The following ARHGAP27 variants were observed in gnomAD, a reference collection of about 807,000 sequenced individuals.
ARHGAP27 encodes the protein Rho GTPase activating protein 27.
Under a neutral mutation model 102.0 loss-of-function variants are expected in ARHGAP27, and 53 were observed. The observed-to-expected ratio is 0.52, with a 90% CI of 0.42 to 0.65. The LOEUF is 0.65. Ranked by LOEUF, ARHGAP27 falls within the 30% of genes least tolerant of loss-of-function variation. The pLI is 0.00. For missense variants in ARHGAP27, 1,117 were observed against 1,256.2 expected (o/e 0.89, Z 1.68); for synonymous variants, 525 against 542.8 (o/e 0.97, Z 0.46).
At chr17:45,406,428 A>C (rs2047172556) in intron 4 of ARHGAP27, among the ~76,000 whole-genome samples, 1 of 152,226 alleles carries the variant, frequency 6.6e-6, no homozygotes, top group South Asian at 2.1e-4. Flanking sequence ...TCCATTCCGG[A>C]AACTGTAGTG....
rs1176674645 is a variant in ARHGAP27 at position 45,406,014 on chromosome 17, C to A, written c.727G>T (p.Ala243Ser). 1.3e-6 allele frequency: 2 copies of A among 1,534,750 alleles called. No individual in the cohort carries two copies. Among genetic ancestry groups the A allele is most frequent in the East Asian group, 4.9e-5 (2 of 40,874 alleles). The change falls in exon 5 of 20, where the codon GCT (alanine) becomes TCT (serine). Residue 243 changes from alanine (A) to serine (S), a missense_variant. Ala to Ser is a moderately conservative substitution (Grantham distance 99). Coordinates refer to ENST00000685559, the MANE Select transcript of ARHGAP27 (RefSeq NM_001282290.2). ...RQPRATSPGA[A>S]AAPLPSPVWE... ...ACCGGGCTGGGAAGGGGGGCTGCAG[C>A]GGCGCCCGGTGAAGTGGCCCGGGGC...
Position 45,429,974 on chromosome 17 carries a change from C to A in ARHGAP27, c.306G>T (p.Ala102=). Residue 102 remains alanine, a synonymous_variant, in exon 4 of 20, where the codon GCG becomes GCT. Coordinates refer to ENST00000685559, the MANE Select transcript of ARHGAP27 (RefSeq NM_001282290.2). The part of the protein sequence containing the change: ...AYDYRFVSAA[A]TAGPDGAPEE... ...CGGGGGCGCCGTCGGGGCCCGCGGT[C>A]GCCGCCGCGCTCACAAACCGGTAGT... The A allele has an allele frequency of 1.7e-6, 2 of 1,147,856 alleles. No individual in the cohort carries two copies. Among genetic ancestry groups the A allele is most frequent in the South Asian group, 7.6e-5 (2 of 26,154 alleles). 71.1% of individuals were successfully genotyped at this position (1,147,856 alleles called of 1,614,324 possible).
In ARHGAP27 at chr17:45,403,625, G is replaced by A. The variant is rs759027532; in HGVS notation, c.1632C>T (p.Gly544=). Residue 544 remains glycine (G), a synonymous_variant, in exon 11 of 20, where the codon GGC becomes GGT. Transcript: ENST00000685559. ...FFKDSKTSAA[G]GLRQPSKFST... ...CCTGAGGGCCTGGCCTTACCAGGCC[G>A]CCTGCAGCCGAGGTCTTTGAGTCCT... The A allele has an allele frequency of 5.0e-6, 8 of 1,613,582 alleles. No homozygotes were observed. The highest frequency in any genetic ancestry group is 3.3e-5 in the South Asian group (3 of 91,044).
chr17:45,407,352 T>G (rs935563136), intron 4 of ARHGAP27, among the ~76,000 whole-genome samples: 1 of 151,948 alleles, frequency 6.6e-6, no homozygotes, highest in Non-Finnish European at 1.5e-5. Flanking sequence ...GGTGCCAGGT[T>G]CCAGCCTTTT....
At position 45,430,417 on chromosome 17, in the gene ARHGAP27, C is replaced by T. The variant is rs1243997362; in HGVS notation, c.-18-120G>A. Reference sequence around the variant, plus strand: ...CTGCACTCGCCGTTCGCCTTCGGGCCTCAGTTTTCCCATCTCTAAAATGGG... The same window carrying T: ...CTGCACTCGCCGTTCGCCTTCGGGCTTCAGTTTTCCCATCTCTAAAATGGG... On this transcript the variant is annotated intron_variant, in intron 3 of 19. Coordinates refer to ENST00000685559, the MANE Select transcript of ARHGAP27 (RefSeq NM_001282290.2). The surrounding 1 kb of genome is among the most constrained non-coding windows in gnomAD (Gnocchi z 4.4). 6.5e-6 allele frequency: 9 copies of T among 1,394,048 alleles called. No individual in the cohort carries two copies. The African/African-American group carries it at 9.0e-5, about 14-fold the overall frequency. 86.4% of individuals were successfully genotyped at this position (1,394,048 alleles called of 1,614,324 possible).
In ARHGAP27 at chr17:45,404,037, C is replaced by T. The variant is rs773710016; in HGVS notation, c.1539G>A (p.Lys513=). The change falls in exon 10 of 20, where the codon AAG becomes AAA. Residue 513 remains lysine (K), a synonymous_variant. Transcript: ENST00000685559. ...LHRTKTADKG[K]RLRKKHWSAS... is the part of the protein sequence containing the mutation. ...TGTAGATGGGCTCTCACCGGAGCCG[C>T]TTTCCCTTGTCTGCCGTCTTGGTGC... 1.2e-6 allele frequency: 2 copies of T among 1,613,876 alleles called. No homozygotes were observed. The highest frequency in any genetic ancestry group is 8.5e-7 in the Non-Finnish European group (1 of 1,179,938).
At position 45,431,649 on chromosome 17, in the gene ARHGAP27, T is replaced by C. The variant is rs1213683279; in HGVS notation, c.-47A>G. 2.3e-5 allele frequency: 4 copies of C among 174,680 alleles called. No individual in the cohort carries two copies. Among genetic ancestry groups the C allele is most frequent in the Non-Finnish European group, 4.9e-5 (4 of 81,938 alleles). 10.8% of individuals were successfully genotyped at this position (174,680 alleles called of 1,614,324 possible). On this transcript the variant is annotated 5_prime_UTR_variant, in exon 3 of 20. An upstream start codon of the reference 5' UTR is lost. Transcript: ENST00000685559. ...GGCTGGGCGGGCCTCAGGGAGCCCATGGGCTGGGTGGGCGGAGCCGGCGGT... is the reference window on the plus strand; with the variant it reads ...GGCTGGGCGGGCCTCAGGGAGCCCACGGGCTGGGTGGGCGGAGCCGGCGGT...
At chr17:45,400,302 C>A (rs1350813569) in intron 12 of ARHGAP27, among the ~76,000 whole-genome samples, 2 of 152,176 alleles carry the variant, frequency 1.3e-5, no homozygotes, top group African/African-American at 2.4e-5. Flanking sequence ...CTGGGCCCAA[C>A]AAAGCCATCC....
chr17:45,425,467 G>A lies in ARHGAP27; in HGVS notation c.657+4156C>T, dbSNP rs2049498477. 5.0e-6 allele frequency: 4 copies of A among 807,120 alleles called. No homozygotes were observed. In the South Asian group the frequency reaches 2.2e-4, roughly 45 times the overall value. 50.0% of individuals were successfully genotyped at this position (807,120 alleles called of 1,614,324 possible). A position where few individuals can be genotyped will look rare whatever the true frequency, so the allele number is the denominator to read the frequency against. On this transcript the variant is annotated intron_variant, in intron 4 of 19. Transcript: ENST00000685559. ...GTGCTGGGCCTGGATCCAGAGGGGAGGGGCCCCCAGATGGGTTTTAGGATT... is the reference window on the plus strand; with the variant it reads ...GTGCTGGGCCTGGATCCAGAGGGGAAGGGCCCCCAGATGGGTTTTAGGATT...
rs2049985477 is a variant in ARHGAP27, at chr17:45,430,637, C to G, written c.-18-340G>C. ...TTAAAACGAGGGGTGATTGCCCGCTCTAAGGTCGACACCACGCTTGCTTAA... is the reference window on the plus strand; with the variant it reads ...TTAAAACGAGGGGTGATTGCCCGCTGTAAGGTCGACACCACGCTTGCTTAA... On this transcript the variant is annotated intron_variant, in intron 3 of 19. Coordinates refer to ENST00000685559, the MANE Select transcript of ARHGAP27 (RefSeq NM_001282290.2). This position sits in a 1 kb window ranked among gnomAD's most constrained non-coding sequence, Gnocchi z 4.4. Among the ~76,000 whole-genome samples, 1 of 152,156 alleles carries G rather than the reference C, an allele frequency of 6.6e-6. No individual in the cohort carries two copies. The highest frequency in any genetic ancestry group is 2.1e-4 in the South Asian group (1 of 4,826).
In ARHGAP27 at chr17:45,430,399, C is replaced by T. The variant is rs1330669021; in HGVS notation, c.-18-102G>A. 4.8e-6 allele frequency: 7 copies of T among 1,448,298 alleles called. No individual in the cohort carries two copies. In the African/African-American group the frequency reaches 7.4e-5, roughly 15 times the overall value. The allele number at this position is 1,448,298 out of a possible 1,614,324, so 89.7% of individuals were successfully genotyped here. A position where few individuals can be genotyped will look rare whatever the true frequency, so the allele number is the denominator to read the frequency against. On this transcript the variant is annotated intron_variant, in intron 3 of 19. Coordinates refer to ENST00000685559, the MANE Select transcript of ARHGAP27 (RefSeq NM_001282290.2). The surrounding 1 kb of genome is among the most constrained non-coding windows in gnomAD (Gnocchi z 4.4). Reference sequence around the variant, plus strand: ...TGGGTTCGAGTCCCGATCCTGCACTCGCCGTTCGCCTTCGGGCCTCAGTTT... The same window carrying T: ...TGGGTTCGAGTCCCGATCCTGCACTTGCCGTTCGCCTTCGGGCCTCAGTTT...
chr17:45,416,013 G>A (rs1016805431), intron 4 of ARHGAP27, among the ~76,000 whole-genome samples: 5 of 152,092 alleles, frequency 3.3e-5, no homozygotes, highest in Middle Eastern at 3.4e-3. Flanking sequence ...ACTTTTCAGA[G>A]ATGCATGCTG....
chr17:45,411,587 G>A (rs2047918107), intron 4 of ARHGAP27, among the ~76,000 whole-genome samples: 1 of 152,070 alleles, frequency 6.6e-6, no homozygotes, highest in Non-Finnish European at 1.5e-5. Flanking sequence ...GCAAGACTGG[G>A]CCCCATGCCC....
rs1486239480 is a variant in ARHGAP27 at position 45,427,138 on chromosome 17, A to C, written c.657+2485T>G. On this transcript the variant is annotated intron_variant, in intron 4 of 19. Coordinates refer to ENST00000685559, the MANE Select transcript of ARHGAP27 (RefSeq NM_001282290.2). The surrounding 1 kb of genome is among the most constrained non-coding windows in gnomAD (Gnocchi z 4.5). ...CTCGGCCCCCAGACCCTGCCCATCCATCTCCCAAACCTCTGTTTCCACACA... is the reference window on the plus strand; with the variant it reads ...CTCGGCCCCCAGACCCTGCCCATCCCTCTCCCAAACCTCTGTTTCCACACA... Among the ~76,000 whole-genome samples the C allele has an allele frequency of 6.8e-6, 1 of 148,002 alleles. No individual in the cohort carries two copies. Among genetic ancestry groups the C allele is most frequent in the Non-Finnish European group, 1.5e-5 (1 of 66,820 alleles).
At chr17:45,416,343 C>T (rs1013453497) in intron 4 of ARHGAP27, among the ~76,000 whole-genome samples, 15 of 151,882 alleles carry the variant, frequency 9.9e-5, no homozygotes, top group South Asian at 2.1e-4. Flanking sequence ...CGTGAGCCAC[C>T]GCGCCCAGCC....
Position 45,404,493 on chromosome 17 carries a change from G to A in ARHGAP27, c.1365C>T (p.Ser455=), listed in dbSNP as rs2046883989. Residue 455 remains serine, a synonymous_variant, in exon 8 of 20, where the codon TCC becomes TCT. Transcript: ENST00000685559. ...PVPAPRSIHK[S]SQDGDTPAQA... is the part of the protein sequence containing the mutation. The stretch of plus-strand genomic sequence containing the variant: ...GGGCTGGGGTGTCACCATCCTGGCT[G>A]GATTTATGGATGCTTCGAGGGGCAG... 2 of 1,613,454 alleles carry A rather than the reference G, an allele frequency of 1.2e-6. No individual in the cohort carries two copies. The highest frequency in any genetic ancestry group is 1.3e-5 in the African/African-American group (1 of 74,876).
At chr17:45,428,282 C>G (rs2049798806) in intron 4 of ARHGAP27, among the ~76,000 whole-genome samples, 1 of 152,244 alleles carries the variant, frequency 6.6e-6, no homozygotes, top group Non-Finnish European at 1.5e-5. Flanking sequence ...CGGCGGAGAC[C>G]CAGGGAAGCC....
At chr17:45,403,763 G>A in intron 10 of ARHGAP27, 54 bp from the exon 11 acceptor site, 3 of 1,462,602 alleles carry the variant, frequency 2.1e-6, no homozygotes, top group Non-Finnish European at 2.8e-6. Context: ...GTCCTGGGCT[G>A]AGGGCCCCTC....
intron 4 of ARHGAP27, among the ~76,000 whole-genome samples, chr17:45,423,272 T>A (rs574803146): frequency 6.6e-6 from 1 of 152,182 alleles, no homozygotes. Context: ...AAGAAATTCA[T>A]AATAAATTTT....
Sources: gnomAD v4.1 joint callset for allele counts (sites outside exome capture counted in the v4.1 genomes callset) on GRCh38, gnomAD v4.1.1 for gene constraint, Gnocchi (gnomAD v3.1) non-coding constraint, MANE v1.5 for transcripts, NCBI Gene and HGNC (gene_info 2026-07-23, HGNC 2026-07-21) for gene names.